SLC12A3: variants seen among roughly 807,000 people sequenced by gnomAD.
SLC12A3 encodes solute carrier family 12 member 3, also known as Na-Cl cotransporter.
A neutral mutation model predicts 121.0 loss-of-function variants in SLC12A3; 104 were observed. The observed-to-expected ratio is 0.86, with a 90% CI of 0.73 to 1.01. The LOEUF is 1.01. SLC12A3 is among the 50% of genes least tolerant of loss of function. SLC12A3 has a pLI of 0.00. For missense variants in SLC12A3, 1,328 were observed against 1,356.3 expected (o/e 0.98, Z 0.33); for synonymous variants, 536 against 533.4 (o/e 1.00, Z -0.07).
rs781303598 is a variant in SLC12A3 at position 56,872,638 on chromosome 16, C to CA, written c.965-17dup. On this transcript the variant is annotated splice_polypyrimidine_tract_variant and intron_variant, in intron 7 of 25. Transcript: ENST00000563236. Reference sequence around the variant, plus strand: ...AGCCCTCCAGGTGAGCCTTACTCATCAGGCCTTGCTTTTCCAGCGGACATT... The same window carrying CA: ...AGCCCTCCAGGTGAGCCTTACTCATCAAGGCCTTGCTTTTCCAGCGGACATT... 24 of 1,614,230 alleles carry CA rather than the reference C, an allele frequency of 1.5e-5. No individual in the cohort carries two copies. The highest frequency in any genetic ancestry group is 1.9e-5 in the Non-Finnish European group (23 of 1,180,048).
intron 2 of SLC12A3, among the ~76,000 whole-genome samples, chr16:56,867,768 G>A (rs1485572421): frequency 1.3e-5 from 2 of 152,192 alleles, no homozygotes; most frequent in South Asian, 2.1e-4. Flanking sequence ...AGCCGGGAAC[G>A]GCCCTGCAAC....
At position 56,870,671 on chromosome 16, in the gene SLC12A3, A is replaced by G. The variant is rs2055081302; in HGVS notation, c.787A>G (p.Ile263Val). The G allele has an allele frequency of 6.2e-7, 1 of 1,613,892 alleles. No homozygotes were observed. The change falls in exon 6 of 26, where the codon ATT (isoleucine) becomes GTT (valine). Residue 263 changes from isoleucine (I) to valine (V), a missense_variant. Ile to Val is a conservative substitution (Grantham distance 29, BLOSUM62 3). Transcript: ENST00000563236. Reference protein sequence around the residue: ...IVDPINDIRIIAVVSVTVLLA... With the variant: ...IVDPINDIRIVAVVSVTVLLA... ...GGACCCCATTAACGACATCCGCATC[A>G]TTGCCGTGGTCTCGGTCACTGTGCT...
At chr16:56,869,860 C>A (rs752296247) in intron 4 of SLC12A3, 36 bp downstream of exon 4, 3 of 1,556,688 alleles carry the variant, frequency 1.9e-6, no homozygotes, top group African/African-American at 2.7e-5. Context: ...GCCCTCCTCT[C>A]GTGGGCTCCT....
intron 23 of SLC12A3, among the ~76,000 whole-genome samples, chr16:56,900,672 A>G (rs1596946868): frequency 6.6e-6 from 1 of 152,236 alleles, no homozygotes; most frequent in East Asian, 1.9e-4. Context: ...CTGGGATTAC[A>G]GGAGCACACC....
Position 56,878,171 on chromosome 16 carries a change from C to A in SLC12A3, c.1180+10C>A. 6.2e-7 allele frequency: 1 copy of A among 1,606,082 alleles called. No homozygotes were observed. Among genetic ancestry groups the A allele is most frequent in the Non-Finnish European group, 8.5e-7 (1 of 1,175,046 alleles). ...ATCTCAGCCACCATTGGTAAGTGGC[C>A]GGCCCAGCCAGTCAGGAGGGGGAGG... On this transcript the variant is annotated intron_variant, in intron 9 of 25. Coordinates refer to ENST00000563236, the MANE Select transcript of SLC12A3 (RefSeq NM_001126108.2).
Position 56,870,696 on chromosome 16 carries a change from T to C in SLC12A3, c.812T>C (p.Leu271Pro). Residue 271 changes from leucine (L) to proline (P), a missense_variant, in exon 6 of 26, where the codon CTG becomes CCG. Physicochemically the swap from Leu to Pro is moderately conservative, Grantham distance 98. Transcript: ENST00000563236. Reference sequence around the variant, plus strand: ...ATTGCCGTGGTCTCGGTCACTGTGCTGCTGGCCATCTCCCTGGCTGGCATG... The same window carrying C: ...ATTGCCGTGGTCTCGGTCACTGTGCCGCTGGCCATCTCCCTGGCTGGCATG... ...RIIAVVSVTV[L>P]LAISLAGMEW... 6.2e-7 allele frequency: 1 copy of C among 1,613,966 alleles called. No homozygotes were observed.
chr16:56,875,382 C>G (rs1207480721), intron 8 of SLC12A3, among the ~76,000 whole-genome samples: 1 of 152,156 alleles, frequency 6.6e-6, no homozygotes, highest in Non-Finnish European at 1.5e-5. Context: ...ATGTAAAGTG[C>G]TTAGAATAGT....
intron 1 of SLC12A3, among the ~76,000 whole-genome samples, chr16:56,866,691 C>T (rs1964363563): frequency 6.6e-6 from 1 of 152,216 alleles, no homozygotes; most frequent in Admixed American, 6.5e-5. Flanking sequence ...ACTGCAACCT[C>T]CACCTCCTGG....
intron 1 of SLC12A3, 83 bp downstream of exon 1, chr16:56,865,600 G>T: frequency 6.8e-7 from 1 of 1,467,624 alleles, no homozygotes; most frequent in Non-Finnish European, 9.4e-7. Context: ...CCTCAGTTCT[G>T]TCATCTGTGC....
chr16:56,887,068 G>A lies in SLC12A3; in HGVS notation c.2153G>A (p.Arg718His), dbSNP rs748652939. 2.4e-5 allele frequency: 39 copies of A among 1,613,888 alleles called. No individual in the cohort carries two copies. Among genetic ancestry groups the A allele is most frequent in the African/African-American group, 5.3e-5 (4 of 74,938 alleles). ...FYSDVIAEDL[R>H]RGVQILMQAA... is the part of the protein sequence containing the mutation. ...TCGGATGTCATTGCCGAGGACCTCC[G>A]CAGAGGCGTCCAGATCCTCATGCAG... is the stretch of plus-strand genomic sequence containing the variant. Residue 718 changes from arginine (R) to histidine (H), a missense_variant, in exon 17 of 26, where the codon CGC becomes CAC. Physicochemically the swap from Arg to His is conservative, Grantham distance 29 (BLOSUM62 0). Transcript: ENST00000563236.
rs894786452 is a variant in SLC12A3, at chr16:56,901,165, C to T, written c.2721-1208C>T. 2.0e-5 allele frequency among the ~76,000 whole-genome samples: 3 copies of T among 152,142 alleles called. No individual in the cohort carries two copies. In the South Asian group the frequency reaches 6.2e-4, roughly 32 times the overall value. On this transcript the variant is annotated intron_variant, in intron 23 of 25. Transcript: ENST00000563236. ...CTGGTTTCCTCCTGCATCAGGGGCC[C>T]TTCCTCCAGTTCGTCTGCTGGTTCT...
At chr16:56,868,811 A>G (rs1964421250) in intron 3 of SLC12A3, among the ~76,000 whole-genome samples, 1 of 152,052 alleles carries the variant, frequency 6.6e-6, no homozygotes, top group Admixed American at 6.6e-5. Context: ...CTCTACTAAA[A>G]ATATTAAAAA....
At chr16:56,878,510 C>T (rs912172914) in intron 9 of SLC12A3, among the ~76,000 whole-genome samples, 1 of 152,096 alleles carries the variant, frequency 6.6e-6, no homozygotes, top group African/African-American at 2.4e-5. Context: ...TAACTGACTT[C>T]CCATGTGCCC....
chr16:56,905,038 C>G (rs1034876219), intron 25 of SLC12A3, among the ~76,000 whole-genome samples: 1 of 152,050 alleles, frequency 6.6e-6, no homozygotes, highest in Non-Finnish European at 1.5e-5. Context: ...CTCTCTGAGG[C>G]CTGTAAGAAG....
chr16:56,903,377 G>A (rs565227036), intron 24 of SLC12A3, among the ~76,000 whole-genome samples: 4 of 152,258 alleles, frequency 2.6e-5, no homozygotes, highest in South Asian at 4.1e-4. Flanking sequence ...GGCAAGGGCC[G>A]GGTCCTACTT....
chr16:56,884,114 GTCA>G lies in SLC12A3; in HGVS notation c.1740_1742del (p.Ile580del). ...GCTGTTTGGGGCTATCATCTCCGTG[GTCA>G]TCATGTTCCTCCTCACCTGGTGGGC... On this transcript the variant is annotated inframe_deletion, in exon 14 of 26. Coordinates refer to ENST00000563236, the MANE Select transcript of SLC12A3 (RefSeq NM_001126108.2). 2.5e-6 allele frequency: 4 copies of G among 1,614,206 alleles called. No individual in the cohort carries two copies. The highest frequency in any genetic ancestry group is 3.4e-6 in the Non-Finnish European group (4 of 1,180,014).
In SLC12A3 at chr16:56,880,892, G is replaced by A. The variant is rs867413499; in HGVS notation, c.1567+639G>A. Reference sequence around the variant, plus strand: ...TCATCTGCAGAATGGGAGCAATAGTGCCTAACAGGTGTGTCTCAGATGGGC... The same window carrying A: ...TCATCTGCAGAATGGGAGCAATAGTACCTAACAGGTGTGTCTCAGATGGGC... On this transcript the variant is annotated intron_variant, in intron 12 of 25. Transcript: ENST00000563236. Among the ~76,000 whole-genome samples the A allele has an allele frequency of 5.8e-4, 88 of 152,346 alleles. 1 individual carries two copies. Among genetic ancestry groups the A allele is most frequent in the African/African-American group, 2.0e-3 (82 of 41,584 alleles).
At chr16:56,904,637 G>A (rs2055583651) in intron 25 of SLC12A3, 175 bp downstream of exon 25, 1 of 649,364 alleles carries the variant, frequency 1.5e-6, no homozygotes, top group Admixed American at 2.2e-5. Flanking sequence ...CTGGGCCTGA[G>A]CCCGCCCCAC....
chr16:56,915,248 T>G lies in SLC12A3; in HGVS notation c.*1843T>G, dbSNP rs533431458. 9.2e-5 allele frequency: 14 copies of G among 152,378 alleles called. No homozygotes were observed. The South Asian group carries it at 2.9e-3, about 32-fold the overall frequency. 9.4% of individuals were successfully genotyped at this position (152,378 alleles called of 1,614,324 possible). A position where few individuals can be genotyped will look rare whatever the true frequency, so the allele number is the denominator to read the frequency against. On this transcript the variant is annotated 3_prime_UTR_variant, in exon 26 of 26. Coordinates refer to ENST00000563236, the MANE Select transcript of SLC12A3 (RefSeq NM_001126108.2). ...GGGTGGCTGAAGGAACAGACATCTT[T>G]GGGTTTCATCAGCCTCCTCCAAGAC...
Sources: gnomAD v4.1 joint callset for allele counts (sites outside exome capture counted in the v4.1 genomes callset) on GRCh38, gnomAD v4.1.1 for gene constraint, MANE v1.5 for transcripts, NCBI Gene and HGNC (gene_info 2026-07-23, HGNC 2026-07-21) for gene names.